The following GRK5 variants were observed in gnomAD, a reference collection of about 807,000 sequenced individuals.
The protein encoded by GRK5 is G protein-coupled receptor kinase 5.
Under a neutral mutation model 78.4 loss-of-function variants are expected in GRK5, and 40 were observed. The ratio of observed to expected loss-of-function variants is 0.51; its 90% CI spans 0.40 to 0.66. The LOEUF (loss-of-function observed/expected upper bound fraction) is 0.66. Among genes scored for constraint, GRK5 ranks in the 30% least tolerant of loss-of-function variants. GRK5 has a pLI of 0.00. For missense variants in GRK5, 598 were observed against 759.9 expected, an observed-to-expected ratio of 0.79 and a Z score of 2.50; for synonymous variants, 289 against 296.8, an observed-to-expected ratio of 0.97 and a Z score of 0.27.
In GRK5 at chr10:119,412,286, T is replaced by C. The variant is rs1043048859; in HGVS notation, c.340-10880T>C. ...AGGACCTCTACCCACAGGCTGCCGG[T>C]CCGGTGTGTCTCTGCCTGGCAGGGC... is the stretch of plus-strand genomic sequence containing the variant. On this transcript the variant is annotated intron_variant, in intron 4 of 15. Transcript: ENST00000392870. This position sits in a 1 kb window ranked among gnomAD's most constrained non-coding sequence, Gnocchi z 4.3. Among the ~76,000 whole-genome samples the C allele has an allele frequency of 6.6e-6, 1 of 152,160 alleles. No homozygotes were observed.
rs561615854 is a variant in GRK5 at position 119,401,545 on chromosome 10, G to A, written c.339+4773G>A. 1.5e-3 allele frequency among the ~76,000 whole-genome samples: 230 copies of A among 152,330 alleles called. 1 individual carries two copies. Among genetic ancestry groups the A allele is most frequent in the Non-Finnish European group, 2.5e-3 (170 of 68,026 alleles). ...AGATGTCACCTCTTTGGGCTGCATG[G>A]GTTTGGGAAAGTTGCTTAACCTCTC... is the stretch of plus-strand genomic sequence containing the variant. On this transcript the variant is annotated intron_variant, in intron 4 of 15. Coordinates refer to ENST00000392870, the MANE Select transcript of GRK5 (RefSeq NM_005308.3).
At position 119,452,769 on chromosome 10, in the gene GRK5, G is replaced by C; in HGVS notation, c.1503G>C (p.Lys501Asn). Residue 501 changes from lysine (K) to asparagine (N), a missense_variant, in exon 14 of 16, where the codon AAG becomes AAC. Physicochemically the swap from Lys to Asn is moderately conservative, Grantham distance 94. Coordinates refer to ENST00000392870, the MANE Select transcript of GRK5 (RefSeq NM_005308.3). This position sits in a 1 kb window ranked among gnomAD's most constrained non-coding sequence, Gnocchi z 4.4. ...ACACAGACGACGACTTCTACTCCAA[G>C]TTCTCCACGGGCTCTGTGTCCATCC... Reference protein sequence around the residue: ...LDHTDDDFYSKFSTGSVSIPW... With the variant: ...LDHTDDDFYSNFSTGSVSIPW... 6.5e-7 allele frequency: 1 copy of C among 1,544,666 alleles called. No individual in the cohort carries two copies. Among genetic ancestry groups the C allele is most frequent in the Non-Finnish European group, 8.8e-7 (1 of 1,135,060 alleles).
At chr10:119,344,665 A>G (rs929141039) in intron 2 of GRK5, among the ~76,000 whole-genome samples, 2 of 152,032 alleles carry the variant, frequency 1.3e-5, no homozygotes, top group Non-Finnish European at 2.9e-5. Context: ...TGAATGTCAC[A>G]CTGGCTGTCT....
At chr10:119,411,835 T>G (rs983139045) in intron 4 of GRK5, among the ~76,000 whole-genome samples, 5 of 126,562 alleles carry the variant, frequency 4.0e-5, no homozygotes, top group African/African-American at 1.5e-4. Context: ...TCATTGCAGA[T>G]CTGCTTCTTT....
intron 4 of GRK5, among the ~76,000 whole-genome samples, chr10:119,414,282 C>A (rs1852402416): frequency 6.6e-6 from 1 of 152,248 alleles, no homozygotes; most frequent in Non-Finnish European, 1.5e-5. Context: ...CCCGGGCCGA[C>A]CTTTTGTCCA....
At position 119,289,161 on chromosome 10, in the gene GRK5, G is replaced by A. The variant is rs543033633; in HGVS notation, c.53-37355G>A. 4.6e-5 allele frequency among the ~76,000 whole-genome samples: 7 copies of A among 152,254 alleles called. No individual in the cohort carries two copies. The South Asian group carries it at 1.0e-3, about 23-fold the overall frequency. ...TTTTTATTTAAAAAAGAAAGGCTTT[G>A]GGGGATGGGGAGAATAAAGATTTTT... On this transcript the variant is annotated intron_variant, in intron 1 of 15. Transcript: ENST00000392870.
Position 119,452,407 on chromosome 10 carries a change from T to G in GRK5, c.1405-264T>G, listed in dbSNP as rs563599148. ...CCCCGTCATGGATCTGAGAGAGGGC[T>G]GCACTGTCATCTGGAGGGGTCGCAC... On this transcript the variant is annotated intron_variant, in intron 13 of 15. Coordinates refer to ENST00000392870, the MANE Select transcript of GRK5 (RefSeq NM_005308.3). The surrounding 1 kb of genome is among the most constrained non-coding windows in gnomAD (Gnocchi z 4.4). 1.3e-5 allele frequency: 6 copies of G among 464,088 alleles called. No homozygotes were observed. The Admixed American group carries it at 1.4e-4, about 11-fold the overall frequency. 28.7% of individuals were successfully genotyped at this position (464,088 alleles called of 1,614,324 possible).
At chr10:119,339,597 T>G (rs528451877) in intron 2 of GRK5, among the ~76,000 whole-genome samples, 1 of 151,874 alleles carries the variant, frequency 6.6e-6, no homozygotes, top group Admixed American at 6.6e-5. Context: ...ACTTCCAAAT[T>G]CAAAAACAAA....
intron 1 of GRK5, among the ~76,000 whole-genome samples, chr10:119,325,610 C>G (rs1032181177): frequency 2.2e-4 from 33 of 152,286 alleles, no homozygotes; most frequent in African/African-American, 7.9e-4. Context: ...GGTGACGGCA[C>G]CTTGGTCCCC....
At chr10:119,377,574 C>T (rs1432568969) in intron 2 of GRK5, among the ~76,000 whole-genome samples, 5 of 151,904 alleles carry the variant, frequency 3.3e-5, no homozygotes, top group Non-Finnish European at 7.4e-5. Flanking sequence ...AGTTTTTTTG[C>T]CTGGGATCCT....
chr10:119,359,272 G>A (rs1266923881), intron 2 of GRK5, among the ~76,000 whole-genome samples: 1 of 152,198 alleles, frequency 6.6e-6, no homozygotes, highest in African/African-American at 2.4e-5. Context: ...GGCAGTACAT[G>A]CCCTTACGGG....
At chr10:119,396,589 G>A in intron 3 of GRK5, 106 bp from the exon 4 acceptor site, 1 of 865,774 alleles carries the variant, frequency 1.2e-6, no homozygotes, top group East Asian at 2.6e-5. Flanking sequence ...GAAGGGGGTT[G>A]GTCAGGTGGC....
Position 119,408,363 on chromosome 10 carries a change from A to AAAAT in GRK5, c.339+11591_339+11592insAAAT, listed in dbSNP as rs1554918541. 1.0e-3 allele frequency among the ~76,000 whole-genome samples: 147 copies of AAAAT among 141,862 alleles called. 2 individuals carry two copies. Among genetic ancestry groups the AAAAT allele is most frequent in the East Asian group, 1.7e-3 (8 of 4,796 alleles). 93.1% of individuals were successfully genotyped at this position (141,862 alleles called of 152,430 possible). On this transcript the variant is annotated intron_variant, in intron 4 of 15. Transcript: ENST00000392870. ...TCTCAAAAAAAAAAAAAAAAAAAAA[A>AAAAT]GGCAGAAAACACAGATGCAAACAGA...
intron 1 of GRK5, among the ~76,000 whole-genome samples, chr10:119,295,753 A>C (rs1218429465): frequency 6.6e-6 from 1 of 151,754 alleles, no homozygotes; most frequent in African/African-American, 2.4e-5. Context: ...GAGCTGAGAT[A>C]TGAGGACACG....
At chr10:119,365,497 G>A (rs757071417) in intron 2 of GRK5, among the ~76,000 whole-genome samples, 15 of 152,196 alleles carry the variant, frequency 9.9e-5, no homozygotes, top group Non-Finnish European at 2.1e-4. Flanking sequence ...GAGGGGGTTT[G>A]GAAAGACCTG....
chr10:119,430,578 G>T lies in GRK5; in HGVS notation c.597+140G>T. ...TCAATGTGGGCCCCGGGGGCAGTGAGGGTGGGAGAGAGTCAGTGGCCTTGG... is the reference window on the plus strand; with the variant it reads ...TCAATGTGGGCCCCGGGGGCAGTGATGGTGGGAGAGAGTCAGTGGCCTTGG... On this transcript the variant is annotated intron_variant, in intron 7 of 15. Transcript: ENST00000392870. The surrounding 1 kb of genome is among the most constrained non-coding windows in gnomAD (Gnocchi z 4.5). 1.5e-6 allele frequency: 1 copy of T among 671,312 alleles called. No homozygotes were observed. 41.6% of individuals were successfully genotyped at this position (671,312 alleles called of 1,614,324 possible).
At chr10:119,373,640 T>C (rs1199679159) in intron 2 of GRK5, among the ~76,000 whole-genome samples, 2 of 152,046 alleles carry the variant, frequency 1.3e-5, no homozygotes, top group Non-Finnish European at 2.9e-5. Flanking sequence ...CAGACTAATA[T>C]AGTAGGTCTG....
chr10:119,232,354 GGTTT>G (rs2133727039), intron 1 of GRK5, among the ~76,000 whole-genome samples: 1 of 152,262 alleles, frequency 6.6e-6, no homozygotes, highest in East Asian at 1.9e-4. Flanking sequence ...GATAGAGAAA[GGTTT>G]GTTTAACAAC....
intron 1 of GRK5, among the ~76,000 whole-genome samples, chr10:119,227,258 G>A (rs1448846402): frequency 1.3e-5 from 2 of 152,058 alleles, no homozygotes; most frequent in East Asian, 3.9e-4. Flanking sequence ...GCAAACCCTA[G>A]TATATGTAAA....
Sources: gnomAD v4.1 joint callset for allele counts (sites outside exome capture counted in the v4.1 genomes callset) on GRCh38, gnomAD v4.1.1 for gene constraint, Gnocchi (gnomAD v3.1) non-coding constraint, MANE v1.5 for transcripts, NCBI Gene and HGNC (gene_info 2026-07-23, HGNC 2026-07-21) for gene names.